Variants in PDGFA observed in about 807,000 individuals in gnomAD.
PDGFA encodes the protein platelet-derived growth factor subunit A.
Under a neutral mutation model 25.6 loss-of-function variants are expected in PDGFA, and 9 were observed. The ratio of observed to expected loss-of-function variants is 0.35; its 90% CI spans 0.21 to 0.61. The LOEUF (loss-of-function observed/expected upper bound fraction) is 0.61, where lower values mean the gene tolerates loss of function less well. Among genes scored for constraint, PDGFA ranks in the 20% least tolerant of loss-of-function variants. PDGFA has a pLI of 0.75. For missense variants in PDGFA, 242 were observed against 272.8 expected, an observed-to-expected ratio of 0.89 and a Z score of 0.79; for synonymous variants, 133 against 111.8, an observed-to-expected ratio of 1.19 and a Z score of -1.20.
upstream of PDGFA, chr7:519,543 G>C (rs933791262): frequency 6.8e-6 from 1 of 148,004 alleles, no homozygotes; most frequent in African/African-American, 2.5e-5. Flanking sequence ...GCTCGCCTCC[G>C]GCCTCCTCTT....
chr7:511,318 G>A, intron 3 of PDGFA, among the ~76,000 whole-genome samples: 1 of 90,094 alleles, frequency 1.1e-5, no homozygotes, highest in Non-Finnish European at 1.9e-5. Context: ...TAGTCCAGGT[G>A]GGGCCAGAGA....
At chr7:519,488 GGCTGCGA>G (rs1300351761), upstream of PDGFA, 1 of 151,660 alleles carries the variant, frequency 6.6e-6, no homozygotes, top group Non-Finnish European at 1.5e-5. Context: ...GCCCGGCCCC[GGCTGCGA>G]GCTGCGAGCC....
intron 2 of PDGFA, chr7:512,787 T>C: frequency 1.5e-6 from 1 of 674,950 alleles, no homozygotes; most frequent in Non-Finnish European, 2.1e-6. Flanking sequence ...TCCTCCAAGG[T>C]AGCCCAGGTG....
rs913784731 is a variant in PDGFA at position 500,371 on chromosome 7, G to C, written c.580+745C>G. The C allele has an allele frequency of 8.3e-6, 13 of 1,557,454 alleles. No homozygotes were observed. Among genetic ancestry groups the C allele is most frequent in the Admixed American group, 1.7e-5 (1 of 59,800 alleles). ...GACAGGAAGCGTGATTTGCTGGTGTGATCAGTCAGTTGCACCTCCCCGCCC... is the reference window on the plus strand; with the variant it reads ...GACAGGAAGCGTGATTTGCTGGTGTCATCAGTCAGTTGCACCTCCCCGCCC... On this transcript the variant is annotated intron_variant, in intron 5 of 5. Coordinates refer to ENST00000402802, the Ensembl canonical transcript of PDGFA. The surrounding 1 kb of genome is among the most constrained non-coding windows in gnomAD (Gnocchi z 5.0).
chr7:501,883 T>C (rs1390289250), intron 4 of PDGFA, among the ~76,000 whole-genome samples: 1 of 152,194 alleles, frequency 6.6e-6, no homozygotes, highest in Non-Finnish European at 1.5e-5. Context: ...TGTGTGTGGA[T>C]GTGCAGCTGG....
chr7:512,870 G>C, intron 2 of PDGFA: 1 of 305,426 alleles, frequency 3.3e-6, no homozygotes, highest in Non-Finnish European at 6.5e-6. Flanking sequence ...ACAGGGCTAA[G>C]CCAGGCCCCA....
chr7:506,656 C>G (rs1414576857), intron 4 of PDGFA, among the ~76,000 whole-genome samples: 1 of 152,174 alleles, frequency 6.6e-6, no homozygotes, highest in Non-Finnish European at 1.5e-5. Context: ...CGTTCAGGCC[C>G]ACACTCCTGT....
intron 4 of PDGFA, among the ~76,000 whole-genome samples, chr7:505,001 C>T (rs986551899): frequency 1.3e-5 from 2 of 152,238 alleles, no homozygotes; most frequent in Admixed American, 6.5e-5. Flanking sequence ...CAGACAAGCC[C>T]GTTTTTATCA....
At position 500,979 on chromosome 7, in the gene PDGFA, G is replaced by C; in HGVS notation, c.580+137C>G. On this transcript the variant is annotated intron_variant, in intron 5 of 5. Coordinates refer to ENST00000402802, the Ensembl canonical transcript of PDGFA. The surrounding 1 kb of genome is among the most constrained non-coding windows in gnomAD (Gnocchi z 5.0). ...CCCGCAGGCATCTGGCCCGGGAGCAGGGCAACGAATCCTTCAACAGCAGCC... is the reference window on the plus strand; with the variant it reads ...CCCGCAGGCATCTGGCCCGGGAGCACGGCAACGAATCCTTCAACAGCAGCC... 6.3e-6 allele frequency: 10 copies of C among 1,599,752 alleles called. No individual in the cohort carries two copies. The highest frequency in any genetic ancestry group is 8.5e-6 in the Non-Finnish European group (10 of 1,178,720).
upstream of PDGFA, chr7:520,094 C>G: frequency 2.5e-6 from 1 of 395,974 alleles, no homozygotes; most frequent in Non-Finnish European, 5.0e-6. Context: ...GGGCTCCGCG[C>G]CCCTCCCTCG....
At chr7:506,175 C>CAAAAAAAAA (rs34159199) in intron 4 of PDGFA, among the ~76,000 whole-genome samples, 14,186 of 105,502 alleles carry the variant, frequency 0.13, 1,213 homozygotes, top group East Asian at 0.3. Flanking sequence ...GACTCTGTCT[C>CAAAAAAAAA]AAAAAAAAAA....
intron 4 of PDGFA, among the ~76,000 whole-genome samples, chr7:502,768 T>TCACACACACACACACA (rs71016866): frequency 7.9e-6 from 1 of 126,034 alleles, no homozygotes; most frequent in Admixed American, 8.2e-5. Context: ...AGGCAAGAAA[T>TCACACACACACACACA]CACACACACA....
chr7:500,681 C>A lies in PDGFA; in HGVS notation c.580+435G>T. The A allele has an allele frequency of 1.0e-5, 15 of 1,449,890 alleles. No individual in the cohort carries two copies. The highest frequency in any genetic ancestry group is 1.4e-5 in the Non-Finnish European group (15 of 1,107,814). 89.8% of individuals were successfully genotyped at this position (1,449,890 alleles called of 1,614,324 possible). On this transcript the variant is annotated intron_variant, in intron 5 of 5. Transcript: ENST00000402802. This position sits in a 1 kb window ranked among gnomAD's most constrained non-coding sequence, Gnocchi z 5.0. ...GCCCAGCCATAGCAGGGCACAGAAG[C>A]CATTCTGCTCCTGGGTGGAGTCCGC...
chr7:500,901 G>T lies in PDGFA; in HGVS notation c.580+215C>A. ...CTGAATCTCCTCTCCTGCCAGTGCC[G>T]CAGCTTGGGCCACCCTCCCCACCGG... On this transcript the variant is annotated intron_variant, in intron 5 of 5. Coordinates refer to ENST00000402802, the Ensembl canonical transcript of PDGFA. This position sits in a 1 kb window ranked among gnomAD's most constrained non-coding sequence, Gnocchi z 5.0. 1 of 1,580,898 alleles carries T rather than the reference G, an allele frequency of 6.3e-7. No homozygotes were observed.
chr7:503,826 T>A (rs1782452973), intron 4 of PDGFA, among the ~76,000 whole-genome samples: 1 of 152,002 alleles, frequency 6.6e-6, no homozygotes, highest in Non-Finnish European at 1.5e-5. Context: ...GCGCCTGGGG[T>A]CAGGAGCCAG....
chr7:514,288 C>A (rs111607506), intron 2 of PDGFA, among the ~76,000 whole-genome samples: 2 of 152,144 alleles, frequency 1.3e-5, no homozygotes, highest in African/African-American at 4.8e-5. Context: ...GCACAGTCCC[C>A]GTGCCCCGCC....
At chr7:497,754 G>A (rs1413377204) in exon 6 of PDGFA, 1 of 150,208 alleles carries the variant, frequency 6.7e-6, no homozygotes, top group East Asian at 2.0e-4. Context: ...GGTATACCAT[G>A]TTTATTTTAA....
intron 4 of PDGFA, among the ~76,000 whole-genome samples, chr7:504,108 T>C (rs568106244): frequency 2.0e-5 from 3 of 152,236 alleles, no homozygotes; most frequent in East Asian, 1.9e-4. Flanking sequence ...AGGCTGCACA[T>C]GCAGAAGGCC....
At chr7:497,577 G>A (rs1156446798) in exon 6 of PDGFA, 1 of 152,158 alleles carries the variant, frequency 6.6e-6, no homozygotes, top group Non-Finnish European at 1.5e-5. Context: ...TGTGCACTGC[G>A]GGGAACAAGT....
Sources: allele counts gnomAD v4.1 joint callset (sites outside exome capture counted in the v4.1 genomes callset), GRCh38; gene constraint gnomAD v4.1.1; non-coding constraint Gnocchi (gnomAD v3.1); transcripts MANE v1.5; gene names NCBI Gene and HGNC (gene_info 2026-07-23, HGNC 2026-07-21).